The following MOB3B variants were observed in gnomAD, a reference collection of about 807,000 sequenced individuals.
MOB3B encodes the protein MOB kinase activator-like 2B.
MOB3B carries 7 observed loss-of-function variants against 18.7 expected under a neutral mutation model. The observed-to-expected ratio is 0.37, with a 90% CI of 0.21 to 0.70. MOB3B has a LOEUF of 0.70. Among genes scored for constraint, MOB3B ranks in the 30% least tolerant of loss-of-function variants. The pLI, the probability that MOB3B is intolerant of heterozygous loss-of-function variation, is 0.52. For synonymous variants in MOB3B, 111 were observed against 99.9 expected, an observed-to-expected ratio of 1.11 and a Z score of -0.66; for missense variants, 253 against 281.3, an observed-to-expected ratio of 0.90 and a Z score of 0.72.
At chr9:27,410,743 G>C (rs1407547726) in intron 2 of MOB3B, among the ~76,000 whole-genome samples, 1 of 151,330 alleles carries the variant, frequency 6.6e-6, no homozygotes. Flanking sequence ...TCTTTAAAAT[G>C]AAAGTTATTC....
intron 1 of MOB3B, among the ~76,000 whole-genome samples, chr9:27,509,121 TGA>T (rs1463942142): frequency 6.6e-6 from 1 of 152,210 alleles, no homozygotes; most frequent in African/African-American, 2.4e-5. Context: ...GCAAAATTGT[TGA>T]GTGACTAATA....
intron 2 of MOB3B, 142 bp from the exon 3 acceptor site, chr9:27,359,378 T>TA (rs1554645302): frequency 3.6e-6 from 1 of 275,742 alleles, no homozygotes; most frequent in South Asian, 3.1e-5. Flanking sequence ...TGTGTGTGTG[T>TA]GGGGGGGGGG....
chr9:27,501,599 A>G (rs1031855313), intron 1 of MOB3B, among the ~76,000 whole-genome samples: 3 of 133,204 alleles, frequency 2.3e-5, no homozygotes, highest in Non-Finnish European at 4.9e-5. Context: ...AGGGCCTGTC[A>G]TGGGGTGGGG....
intron 1 of MOB3B, among the ~76,000 whole-genome samples, chr9:27,493,067 T>C (rs1019454203): frequency 6.6e-6 from 1 of 152,196 alleles, no homozygotes; most frequent in Admixed American, 6.5e-5. Context: ...TACTAAATCA[T>C]TCCAGTACAC....
chr9:27,423,861 T>G (rs1300991499), intron 2 of MOB3B, among the ~76,000 whole-genome samples: 1 of 152,228 alleles, frequency 6.6e-6, no homozygotes, highest in African/African-American at 2.4e-5. Flanking sequence ...GCTAAGTGCT[T>G]TAACATATAT....
intron 2 of MOB3B, among the ~76,000 whole-genome samples, chr9:27,388,544 G>T (rs1821679482): frequency 6.6e-6 from 1 of 151,956 alleles, no homozygotes; most frequent in African/African-American, 2.4e-5. Context: ...TGATTTCTGA[G>T]ATTTTGGTGC....
chr9:27,351,269 G>T (rs925408819), intron 3 of MOB3B, among the ~76,000 whole-genome samples: 15 of 134,920 alleles, frequency 1.1e-4, no homozygotes, highest in African/African-American at 4.3e-4. Context: ...GATGAAAGAT[G>T]ACAGGGCTGC....
chr9:27,352,000 C>A (rs1821111699), intron 3 of MOB3B, among the ~76,000 whole-genome samples: 1 of 152,132 alleles, frequency 6.6e-6, no homozygotes, highest in South Asian at 2.1e-4. Flanking sequence ...GGGGGTGGGA[C>A]ATGCACTTTG....
chr9:27,490,978 CCT>C (rs1039041839), intron 1 of MOB3B, among the ~76,000 whole-genome samples: 38 of 21,120 alleles, frequency 1.8e-3, no homozygotes, highest in African/African-American at 2.0e-3. Flanking sequence ...CATCATACAG[CCT>C]TTTTTTTTTT....
chr9:27,361,265 C>T (rs1210028082), intron 2 of MOB3B, among the ~76,000 whole-genome samples: 2 of 152,124 alleles, frequency 1.3e-5, no homozygotes, highest in Admixed American at 6.5e-5. Context: ...GAACCAAGTC[C>T]GCCTGACTCT....
chr9:27,349,219 A>G (rs1308558231), intron 3 of MOB3B, among the ~76,000 whole-genome samples: 1 of 152,236 alleles, frequency 6.6e-6, no homozygotes, highest in Middle Eastern at 3.2e-3. Flanking sequence ...TGGTTTGTAT[A>G]TCTGACCTTT....
chr9:27,501,103 A>C (rs1293373115), intron 1 of MOB3B, among the ~76,000 whole-genome samples: 2 of 152,220 alleles, frequency 1.3e-5, no homozygotes, highest in Non-Finnish European at 2.9e-5. Flanking sequence ...AGGAAACAAC[A>C]GATGCTGGAG....
chr9:27,401,000 T>C (rs1454866257), intron 2 of MOB3B, among the ~76,000 whole-genome samples: 2 of 152,214 alleles, frequency 1.3e-5, no homozygotes, highest in African/African-American at 4.8e-5. Context: ...TTTTGATCTG[T>C]CCATGACAAG....
chr9:27,364,808 C>A (rs1205362307), intron 2 of MOB3B, among the ~76,000 whole-genome samples: 1 of 152,160 alleles, frequency 6.6e-6, no homozygotes, highest in Admixed American at 6.5e-5. Flanking sequence ...TCCCATTGAC[C>A]AAATGGTCTT....
intron 1 of MOB3B, among the ~76,000 whole-genome samples, chr9:27,482,043 G>C (rs1180068070): frequency 6.6e-6 from 1 of 151,866 alleles, no homozygotes; most frequent in Non-Finnish European, 1.5e-5. Flanking sequence ...ACAAATGAAC[G>C]AAAAGCACGG....
intron 2 of MOB3B, among the ~76,000 whole-genome samples, chr9:27,370,031 A>C (rs574680541): frequency 2.0e-5 from 3 of 151,008 alleles, no homozygotes; most frequent in African/African-American, 7.3e-5. Flanking sequence ...CATCGAATGC[A>C]TAGCAGAACA....
At chr9:27,397,155 GGAA>G (rs1203174056) in intron 2 of MOB3B, 1 of 152,176 alleles carries the variant, frequency 6.6e-6, no homozygotes, top group African/African-American at 2.4e-5. Context: ...GGAAAATGCA[GGAA>G]GAAGGATAGC....
At chr9:27,375,017 C>T (rs1821471390) in intron 2 of MOB3B, among the ~76,000 whole-genome samples, 1 of 152,224 alleles carries the variant, frequency 6.6e-6, no homozygotes, top group Non-Finnish European at 1.5e-5. Flanking sequence ...GGGCTCTGTC[C>T]ACCATGGGGC....
At chr9:27,407,077 T>C (rs2131398014) in intron 2 of MOB3B, among the ~76,000 whole-genome samples, 1 of 152,272 alleles carries the variant, frequency 6.6e-6, no homozygotes, top group East Asian at 1.9e-4. Flanking sequence ...GACCTCGTGA[T>C]TCACCTGCCT....
Sources: gnomAD v4.1 joint callset for allele counts (sites outside exome capture counted in the v4.1 genomes callset) on GRCh38, gnomAD v4.1.1 for gene constraint, MANE v1.5 for transcripts, NCBI Gene and HGNC (gene_info 2026-07-23, HGNC 2026-07-21) for gene names.